The following ABRAXAS2 variants were observed in gnomAD, a reference collection of about 807,000 sequenced individuals.
ABRAXAS2 encodes the protein abraxas 2, BRISC complex subunit.
In ABRAXAS2, 23 loss-of-function variants were observed where a neutral mutation model predicts 49.0. The ratio of observed to expected loss-of-function variants is 0.47; its 90% confidence interval spans 0.34 to 0.66. The LOEUF is 0.66. Ranked by LOEUF, ABRAXAS2 falls within the 30% of genes least tolerant of loss-of-function variation. The pLI is 0.01. For synonymous variants in ABRAXAS2, 168 were observed against 180.2 expected (o/e 0.93, Z 0.54); for missense variants, 443 against 511.9 (o/e 0.87, Z 1.30).
chr10:124,828,629 C>T (rs1438936777), intron 5 of ABRAXAS2, 127 bp from the exon 6 acceptor site: 20 of 790,784 alleles, frequency 2.5e-5, no homozygotes, highest in Non-Finnish European at 3.4e-5. Context: ...CTGCCTCGGC[C>T]TCCCAAAGTG....
chr10:124,807,318 A>G (rs1415907199), intron 2 of ABRAXAS2, among the ~76,000 whole-genome samples: 3 of 147,416 alleles, frequency 2.0e-5, no homozygotes, highest in South Asian at 2.1e-4. Flanking sequence ...GTCTCAAAAA[A>G]AAAAAAAAAA....
intron 1 of ABRAXAS2, among the ~76,000 whole-genome samples, chr10:124,805,561 AG>A (rs1950736921): frequency 6.6e-6 from 1 of 152,216 alleles, no homozygotes; most frequent in Non-Finnish European, 1.5e-5. Flanking sequence ...GAGATAGAGC[AG>A]TGAATAAGCA....
chr10:124,808,200 G>A (rs1950760830), intron 2 of ABRAXAS2, among the ~76,000 whole-genome samples: 1 of 150,890 alleles, frequency 6.6e-6, no homozygotes, highest in African/African-American at 2.4e-5. Flanking sequence ...TTTTGAGACG[G>A]AGTCTTGCTC....
intron 4 of ABRAXAS2, among the ~76,000 whole-genome samples, chr10:124,824,858 A>C (rs1459399852): frequency 2.0e-5 from 3 of 152,198 alleles, no homozygotes; most frequent in Admixed American, 1.3e-4. Context: ...ATTGTATCCA[A>C]GTTTTCTTGA....
chr10:124,826,622 C>T lies in ABRAXAS2; in HGVS notation c.295C>T (p.Arg99Cys), dbSNP rs569812521. ...AGTCATTGGGTGGTACAGATTCCGG[C>T]GCAATACGCAGCAGCAGATGTCCTA... ...KKVIGWYRFR[R>C]NTQQQMSYRE... The change falls in exon 5 of 9, where the codon CGC becomes TGC. Residue 99 changes from arginine to cysteine, a missense_variant. Arg to Cys is a radical substitution (Grantham distance 180, BLOSUM62 -3). This residue lies in a region of ABRAXAS2 where 166 missense variants were observed against 247.3 expected (regional missense o/e 0.67). Coordinates refer to ENST00000298492, the MANE Select transcript of ABRAXAS2 (RefSeq NM_032182.4). The T allele has an allele frequency of 9.9e-6, 16 of 1,613,876 alleles. No homozygotes were observed. The highest frequency in any genetic ancestry group is 1.2e-5 in the Non-Finnish European group (14 of 1,179,926).
chr10:124,830,749 T>C (rs1038046862), intron 7 of ABRAXAS2, among the ~76,000 whole-genome samples: 12 of 152,226 alleles, frequency 7.9e-5, no homozygotes, highest in Non-Finnish European at 1.5e-4. Flanking sequence ...TTTCAGAATA[T>C]CAGCACTGGC....
At chr10:124,820,403 C>G (rs1022382721) in intron 4 of ABRAXAS2, among the ~76,000 whole-genome samples, 1 of 152,106 alleles carries the variant, frequency 6.6e-6, no homozygotes, top group East Asian at 1.9e-4. Flanking sequence ...CTTAGCAGCC[C>G]GTCCCTCATC....
chr10:124,829,897 A>T (rs1950919853), intron 7 of ABRAXAS2, among the ~76,000 whole-genome samples: 1 of 152,144 alleles, frequency 6.6e-6, no homozygotes, highest in African/African-American at 2.4e-5. Flanking sequence ...GAGTGGGAGG[A>T]TCTCGGCAGA....
intron 1 of ABRAXAS2, 30 bp downstream of exon 1, chr10:124,801,931 T>TG (rs760424948): frequency 3.1e-6 from 5 of 1,604,492 alleles, no homozygotes; most frequent in South Asian, 1.1e-5. Flanking sequence ...CCGCGCCCGC[T>TG]GGGGGCTTTC....
chr10:124,827,348 A>G (rs1367687314), intron 5 of ABRAXAS2, among the ~76,000 whole-genome samples: 1 of 151,642 alleles, frequency 6.6e-6, no homozygotes, highest in Non-Finnish European at 1.5e-5. Flanking sequence ...TTTAGTAGAG[A>G]CGGGGTTTTG....
intron 1 of ABRAXAS2, among the ~76,000 whole-genome samples, chr10:124,806,158 T>TAG (rs1440543204): frequency 1.3e-5 from 2 of 151,124 alleles, no homozygotes; most frequent in Non-Finnish European, 3.0e-5. Flanking sequence ...AAAAAAAAAT[T>TAG]AGCCAGGCAT....
At chr10:124,808,345 T>C (rs1950762029) in intron 2 of ABRAXAS2, among the ~76,000 whole-genome samples, 1 of 151,990 alleles carries the variant, frequency 6.6e-6, no homozygotes, top group African/African-American at 2.4e-5. Context: ...CCGGCTAATT[T>C]TTTTGTATTT....
At chr10:124,821,080 AT>A (rs527835363) in intron 4 of ABRAXAS2, among the ~76,000 whole-genome samples, 1 of 151,394 alleles carries the variant, frequency 6.6e-6, no homozygotes, top group African/African-American at 2.4e-5. Context: ...CACCTGGCTA[AT>A]TTTTTGTTTT....
chr10:124,805,640 G>A (rs1472585496), intron 1 of ABRAXAS2, among the ~76,000 whole-genome samples: 1 of 152,124 alleles, frequency 6.6e-6, no homozygotes, highest in Non-Finnish European at 1.5e-5. Context: ...TTATAAATAT[G>A]TAATATGATG....
At chr10:124,825,517 CATT>C (rs1338504987) in intron 4 of ABRAXAS2, among the ~76,000 whole-genome samples, 4 of 152,064 alleles carry the variant, frequency 2.6e-5, no homozygotes, top group Non-Finnish European at 5.9e-5. Flanking sequence ...ATGGAGAAAA[CATT>C]ATTCACTTAG....
chr10:124,819,906 A>G (rs906824751), intron 4 of ABRAXAS2, among the ~76,000 whole-genome samples: 3 of 152,068 alleles, frequency 2.0e-5, no homozygotes, highest in African/African-American at 7.2e-5. Context: ...AAGTCTGAAT[A>G]CAACTGAAAA....
At chr10:124,827,287 G>C (rs1369053720) in intron 5 of ABRAXAS2, among the ~76,000 whole-genome samples, 1 of 151,150 alleles carries the variant, frequency 6.6e-6, no homozygotes, top group East Asian at 2.0e-4. Flanking sequence ...AGCCTCTCGA[G>C]TAGCTGGGAT....
At chr10:124,825,016 T>G (rs1950888088) in intron 4 of ABRAXAS2, among the ~76,000 whole-genome samples, 1 of 152,030 alleles carries the variant, frequency 6.6e-6, no homozygotes, top group Admixed American at 6.6e-5. Flanking sequence ...ACAAAACATC[T>G]CTTCTATCAG....
At chr10:124,803,874 C>T (rs1371085173) in intron 1 of ABRAXAS2, among the ~76,000 whole-genome samples, 2 of 152,172 alleles carry the variant, frequency 1.3e-5, no homozygotes, top group Non-Finnish European at 2.9e-5. Flanking sequence ...GCACTCCAGC[C>T]TGGGCTACAA....
Sources: allele counts gnomAD v4.1 joint callset (sites outside exome capture counted in the v4.1 genomes callset), GRCh38; gene constraint gnomAD v4.1.1; regional missense constraint gnomAD v4.1.1; transcripts MANE v1.5; gene names NCBI Gene and HGNC (gene_info 2026-07-23, HGNC 2026-07-21).